Variants in MICAL2 observed in about 807,000 individuals in gnomAD.
MICAL2 encodes the protein microtubule associated monooxygenase, calponin and LIM domain containing 2.
Under a neutral mutation model 127.3 loss-of-function variants are expected in MICAL2, and 77 were observed. That is an observed-to-expected ratio of 0.60 (90% confidence interval 0.50 to 0.73). The LOEUF is 0.73. Ranked by LOEUF, MICAL2 falls within the 30% of genes least tolerant of loss-of-function variation. The pLI is 0.00. For synonymous variants in MICAL2, 570 were observed against 551.1 expected (o/e 1.03, Z -0.48); for missense variants, 1,351 against 1,434.4 (o/e 0.94, Z 0.94).
chr11:12,232,130 G>T (rs1858373596), intron 15 of MICAL2, among the ~76,000 whole-genome samples: 1 of 152,242 alleles, frequency 6.6e-6, no homozygotes, highest in African/African-American at 2.4e-5. Flanking sequence ...GTAAATGATA[G>T]TTCTTTTCCT....
At chr11:12,159,610 G>C (rs113313861) in intron 2 of MICAL2, among the ~76,000 whole-genome samples, 38 of 152,354 alleles carry the variant, frequency 2.5e-4, no homozygotes, top group Non-Finnish European at 4.3e-4. Context: ...TGTACTGCTT[G>C]CCTGTCCTCA....
At chr11:12,247,976 A>G (rs1326685161) in intron 21 of MICAL2, among the ~76,000 whole-genome samples, 1 of 152,234 alleles carries the variant, frequency 6.6e-6, no homozygotes, top group African/African-American at 2.4e-5. Flanking sequence ...ACTTCCTGGC[A>G]GGCAGCATGT....
intron 32 of MICAL2, among the ~76,000 whole-genome samples, chr11:12,339,260 C>T (rs183788173): frequency 0.013 from 1,916 of 152,290 alleles, 35 homozygotes; most frequent in African/African-American, 0.043. Flanking sequence ...GAGGCTTGTG[C>T]ATTTGTCACG....
chr11:12,194,253 C>G lies in MICAL2; in HGVS notation c.265-9997C>G, dbSNP rs138063379. The stretch of plus-strand genomic sequence containing the variant: ...ATGGTGCAATGGTTAAAATCATGGT[C>G]TCTGAACCAGATACCGGGATTTGAA... On this transcript the variant is annotated intron_variant, in intron 3 of 27. Transcript: ENST00000683283. Among the ~76,000 whole-genome samples, 1,006 of 152,322 alleles carry G rather than the reference C, an allele frequency of 6.6e-3. 8 individuals carry two copies. Among genetic ancestry groups the G allele is most frequent in the African/African-American group, 0.023 (963 of 41,564 alleles).
At chr11:12,148,436 A>G (rs1444120935) in intron 2 of MICAL2, among the ~76,000 whole-genome samples, 1 of 152,136 alleles carries the variant, frequency 6.6e-6, no homozygotes, top group Non-Finnish European at 1.5e-5. Flanking sequence ...GGCTGTAGGG[A>G]GCCCTGAGAG....
At chr11:12,214,675 A>C (rs1048516580) in intron 7 of MICAL2, among the ~76,000 whole-genome samples, 1 of 152,234 alleles carries the variant, frequency 6.6e-6, no homozygotes, top group African/African-American at 2.4e-5. Context: ...TTTATTTAAA[A>C]TTCAAATTTC....
chr11:12,352,622 G>A (rs925068284), intron 33 of MICAL2, among the ~76,000 whole-genome samples: 4 of 152,270 alleles, frequency 2.6e-5, no homozygotes, highest in Non-Finnish European at 5.9e-5. Context: ...AGCCCTGAAT[G>A]AGCATGGAGA....
chr11:12,177,453 T>C (rs1305100630), intron 3 of MICAL2, among the ~76,000 whole-genome samples: 1 of 152,242 alleles, frequency 6.6e-6, no homozygotes, highest in Non-Finnish European at 1.5e-5. Flanking sequence ...GGGTTATCTT[T>C]CTATTGTGTT....
Position 12,241,058 on chromosome 11 carries a change from A to C in MICAL2, c.2233A>C (p.Ile745Leu). 1 of 1,613,808 alleles carries C rather than the reference A, an allele frequency of 6.2e-7. No individual in the cohort carries two copies. The highest frequency in any genetic ancestry group is 8.5e-7 in the Non-Finnish European group (1 of 1,179,950). The change falls in exon 18 of 28, where the codon ATA becomes CTA. Residue 745 changes from isoleucine to leucine, a missense_variant. Physicochemically the swap from Ile to Leu is conservative, Grantham distance 5. Around this residue, in one of 2 missense-constraint regions of MICAL2, gnomAD observed 752 missense variants for 719.4 expected, o/e 1.05. Coordinates refer to ENST00000683283, the MANE Select transcript of MICAL2 (RefSeq NM_001282663.2). ...LMKQERRVSG[I>L]GKPVLCSSSG... is the part of the protein sequence containing the mutation. ...CTCCCAGGAACGCCGTGTCTCAGGG[A>C]TAGGTAAGCCGGTCCTGTGCTCTTC... is the stretch of plus-strand genomic sequence containing the variant.
chr11:12,257,261 C>A, intron 24 of MICAL2: 1 of 330,490 alleles, frequency 3.0e-6, no homozygotes, highest in East Asian at 4.9e-5. Context: ...CCTCACCACC[C>A]TCCATTGTCC....
chr11:12,220,355 T>C lies in MICAL2; in HGVS notation c.1103T>C (p.Met368Thr). 1.2e-6 allele frequency: 2 copies of C among 1,614,240 alleles called. No individual in the cohort carries two copies. Among genetic ancestry groups the C allele is most frequent in the Admixed American group, 1.7e-5 (1 of 60,030 alleles). Residue 368 changes from methionine to threonine, a missense_variant, in exon 9 of 28, where the codon ATG (methionine) becomes ACG (threonine). By Grantham distance (81) the Met-to-Thr change is moderately conservative. Transcript: ENST00000683283. ...CACTATGGGCAGCCTGATGTGGCCA[T>C]GTTTGACTTTACCTGCATGTATGCC... is the stretch of plus-strand genomic sequence containing the variant. ...MNHYGQPDVA[M>T]FDFTCMYASE... is the part of the protein sequence containing the mutation.
intron 32 of MICAL2, among the ~76,000 whole-genome samples, chr11:12,335,415 C>T (rs1392888256): frequency 6.6e-6 from 1 of 152,050 alleles, no homozygotes; most frequent in African/African-American, 2.4e-5. Flanking sequence ...CCTGTTCACT[C>T]TGTTGGTAGT....
At chr11:12,194,514 A>C (rs934001134) in intron 3 of MICAL2, among the ~76,000 whole-genome samples, 1 of 152,206 alleles carries the variant, frequency 6.6e-6, no homozygotes, top group Non-Finnish European at 1.5e-5. Flanking sequence ...TTATTTATAT[A>C]TTTTAGCTCT....
At chr11:12,191,875 C>G (rs536285957) in intron 3 of MICAL2, among the ~76,000 whole-genome samples, 6 of 152,218 alleles carry the variant, frequency 3.9e-5, no homozygotes, top group African/African-American at 1.4e-4. Context: ...GGTATCATCT[C>G]CAGGGAGTGG....
intron 2 of MICAL2, among the ~76,000 whole-genome samples, chr11:12,286,436 T>C (rs945392526): frequency 3.6e-4 from 55 of 152,248 alleles, no homozygotes; most frequent in Admixed American, 9.8e-4. Flanking sequence ...CATGTACGTA[T>C]GTACACATGC....
chr11:12,342,889 T>G (rs943176635), intron 32 of MICAL2, among the ~76,000 whole-genome samples: 1 of 152,180 alleles, frequency 6.6e-6, no homozygotes, highest in African/African-American at 2.4e-5. Context: ...CAATGCTGCC[T>G]TCGTCAGGAC....
intron 16 of MICAL2, among the ~76,000 whole-genome samples, chr11:12,236,729 G>A (rs938837531): frequency 2.6e-5 from 4 of 152,174 alleles, no homozygotes; most frequent in Admixed American, 6.5e-5. Context: ...AAAATTACAG[G>A]TTACTTTGTC....
chr11:12,275,839 G>T (rs1022354236), upstream of MICAL2: 7 of 397,278 alleles, frequency 1.8e-5, no homozygotes, highest in African/African-American at 1.4e-4. Context: ...CGGGGGTGAG[G>T]GTTCCAGAGG....
Position 12,358,251 on chromosome 11 carries a change from G to T in MICAL2, c.5690-44G>T, listed in dbSNP as rs1002995302. On this transcript the variant is annotated intron_variant, in intron 34 of 34. Transcript: ENST00000646065. ...TGTCCATGCCAAGAACTCTGCCGGGGCCCAATCTTCTCTGAGCCCAGTGGT... is the reference window on the plus strand; with the variant it reads ...TGTCCATGCCAAGAACTCTGCCGGGTCCCAATCTTCTCTGAGCCCAGTGGT... 4.4e-6 allele frequency: 7 copies of T among 1,588,326 alleles called. No individual in the cohort carries two copies. In the African/African-American group the frequency reaches 9.5e-5, roughly 21 times the overall value.
Sources: allele counts gnomAD v4.1 joint callset (sites outside exome capture counted in the v4.1 genomes callset), GRCh38; gene constraint gnomAD v4.1.1; regional missense constraint gnomAD v4.1.1; transcripts MANE v1.5; gene names NCBI Gene and HGNC (gene_info 2026-07-23, HGNC 2026-07-21).